The following PIBF1 variants were observed in gnomAD, a reference collection of about 807,000 sequenced individuals.
PIBF1 encodes progesterone immunomodulatory binding factor 1.
PIBF1 carries 90 observed loss-of-function variants against 112.5 expected under a neutral mutation model. The observed-to-expected ratio is 0.80, with a 90% CI of 0.67 to 0.95. The LOEUF is 0.95. PIBF1 is among the 40% of genes least tolerant of loss of function. The pLI, the probability that PIBF1 is intolerant of heterozygous loss-of-function variation, is 0.00. For synonymous variants in PIBF1, 301 were observed against 288.6 expected, an observed-to-expected ratio of 1.04 and a Z score of -0.44; for missense variants, 915 against 852.3, an observed-to-expected ratio of 1.07 and a Z score of -0.92.
chr13:72,857,752 A>G (rs556107944), intron 10 of PIBF1, among the ~76,000 whole-genome samples: 86 of 152,236 alleles, frequency 5.6e-4, no homozygotes, highest in African/African-American at 1.7e-3. Context: ...AGGCAGGAGA[A>G]TCGCTTGAAC....
Position 72,783,593 on chromosome 13 carries a change from G to A in PIBF1, c.124G>A (p.Gly42Ser). The A allele has an allele frequency of 2.5e-6, 4 of 1,614,010 alleles. No individual in the cohort carries two copies. The highest frequency in any genetic ancestry group is 3.4e-6 in the Non-Finnish European group (4 of 1,179,972). ...TATTTCCTCATCAGAAGAGCGAGAG[G>A]GCAAAGTCAGAATCACCAGGCAGCT... ...DDISSSEERE[G>S]KVRITRQLIE... Residue 42 changes from glycine (G) to serine (S), a missense_variant, in exon 2 of 18, where the codon GGC becomes AGC. Physicochemically the swap from Gly to Ser is moderately conservative, Grantham distance 56. Transcript: ENST00000326291.
intron 9 of PIBF1, among the ~76,000 whole-genome samples, chr13:72,840,710 G>A (rs1382849039): frequency 6.6e-6 from 1 of 151,896 alleles, no homozygotes; most frequent in Non-Finnish European, 1.5e-5. Context: ...TTTTAGTACG[G>A]ATGGGGTTTC....
Position 72,879,026 on chromosome 13 carries a change from G to T in PIBF1, c.1323-14758G>T, listed in dbSNP as rs76258243. 5.2e-3 allele frequency among the ~76,000 whole-genome samples: 798 copies of T among 152,190 alleles called. 14 individuals are homozygous for T. Among genetic ancestry groups the T allele is most frequent in the African/African-American group, 0.018 (748 of 41,550 alleles). On this transcript the variant is annotated intron_variant, in intron 10 of 17. Coordinates refer to ENST00000326291, the MANE Select transcript of PIBF1 (RefSeq NM_006346.4). ...ATTTAAAGTGCATTTCTTGTAGGCAGTATATAGTTGGGTGTGTTTTTAATC... is the reference window on the plus strand; with the variant it reads ...ATTTAAAGTGCATTTCTTGTAGGCATTATATAGTTGGGTGTGTTTTTAATC...
intron 14 of PIBF1, among the ~76,000 whole-genome samples, chr13:72,944,446 T>TTA (rs1555321047): frequency 1.8e-4 from 25 of 141,696 alleles, no homozygotes; most frequent in East Asian, 2.0e-4. Context: ...CAAGACTGTC[T>TTA]AAAAAAAAAA....
intron 12 of PIBF1, among the ~76,000 whole-genome samples, chr13:72,916,283 T>G (rs2041089384): frequency 6.6e-6 from 1 of 151,894 alleles, no homozygotes; most frequent in South Asian, 2.1e-4. Context: ...TCCCAGCTAC[T>G]GGGGAGGCTG....
chr13:72,914,886 T>G (rs188988112), intron 12 of PIBF1, among the ~76,000 whole-genome samples: 32 of 152,280 alleles, frequency 2.1e-4, no homozygotes, highest in African/African-American at 7.5e-4. Context: ...AGCTGAAAAT[T>G]TAACATTATT....
In PIBF1 at chr13:72,927,946, T is replaced by TATATATATATATATATATAC. The variant is rs1566457539; in HGVS notation, c.1731-3206_1731-3205insTATATACATATATATATATA. 2.0e-3 allele frequency among the ~76,000 whole-genome samples: 113 copies of TATATATATATATATATATAC among 56,666 alleles called. 1 individual carries two copies. Among genetic ancestry groups the TATATATATATATATATATAC allele is most frequent in the African/African-American group, 0.013 (108 of 8,618 alleles). The allele number at this position is 56,666 out of a possible 152,430, so 37.2% of individuals were successfully genotyped here. Reference sequence around the variant, plus strand: ...TAATACCATTTCTAATATATGTGTGTATATATATATATACACATATATATA... The same window carrying TATATATATATATATATATAC: ...TAATACCATTTCTAATATATGTGTGTATATATATATATATATATACATATATATATATACACATATATATA... On this transcript the variant is annotated intron_variant, in intron 13 of 17. Transcript: ENST00000326291.
At chr13:72,787,918 C>T (rs935305566) in intron 2 of PIBF1, among the ~76,000 whole-genome samples, 4 of 152,166 alleles carry the variant, frequency 2.6e-5, no homozygotes, top group Non-Finnish European at 2.9e-5. Flanking sequence ...TTTCAGCCTC[C>T]CAAAGTGCAG....
chr13:72,824,449 A>G (rs1199290117), intron 6 of PIBF1, among the ~76,000 whole-genome samples: 1 of 152,230 alleles, frequency 6.6e-6, no homozygotes, highest in Non-Finnish European at 1.5e-5. Context: ...TGAATAGAAT[A>G]AGAGTTTATA....
At chr13:72,851,744 A>T (rs144387548) in intron 9 of PIBF1, among the ~76,000 whole-genome samples, 1 of 152,258 alleles carries the variant, frequency 6.6e-6, no homozygotes, top group East Asian at 1.9e-4. Flanking sequence ...ACCCATTGCC[A>T]CCTATGGACC....
chr13:72,995,922 C>T (rs187069361), intron 16 of PIBF1, among the ~76,000 whole-genome samples: 16 of 149,188 alleles, frequency 1.1e-4, no homozygotes, highest in African/African-American at 3.9e-4. Context: ...GCACTCCAGC[C>T]TGGATGACAG....
At chr13:72,857,000 G>T (rs1800162245) in intron 10 of PIBF1, among the ~76,000 whole-genome samples, 1 of 152,106 alleles carries the variant, frequency 6.6e-6, no homozygotes, top group Non-Finnish European at 1.5e-5. Context: ...TGTACATAGA[G>T]AACTAATTTT....
chr13:72,919,818 A>G (rs966407292), intron 13 of PIBF1, among the ~76,000 whole-genome samples: 11 of 151,964 alleles, frequency 7.2e-5, no homozygotes, highest in Admixed American at 2.0e-4. Context: ...AAATACAAAA[A>G]CTTAGCTGGG....
chr13:72,836,428 G>A (rs2037363047), intron 9 of PIBF1, among the ~76,000 whole-genome samples: 1 of 152,068 alleles, frequency 6.6e-6, no homozygotes, highest in African/African-American at 2.4e-5. Flanking sequence ...TAGGAATATA[G>A]TAGCAGAAAA....
At chr13:72,805,385 G>A (rs935454448) in intron 5 of PIBF1, among the ~76,000 whole-genome samples, 5 of 152,032 alleles carry the variant, frequency 3.3e-5, no homozygotes, top group Non-Finnish European at 5.9e-5. Context: ...CTCGTCATCC[G>A]CCCGCCTTGA....
chr13:72,903,673 T>C (rs529823899), intron 11 of PIBF1, among the ~76,000 whole-genome samples: 1 of 152,300 alleles, frequency 6.6e-6, no homozygotes, highest in Admixed American at 6.5e-5. Context: ...CTCTAGACAA[T>C]TAACCAGAGC....
At chr13:72,927,620 C>A (rs1340460095) in intron 13 of PIBF1, among the ~76,000 whole-genome samples, 1 of 152,102 alleles carries the variant, frequency 6.6e-6, no homozygotes, top group Non-Finnish European at 1.5e-5. Context: ...CTCCTGGCCT[C>A]AAGTGATCTG....
At chr13:72,910,615 A>G (rs2040861793) in intron 12 of PIBF1, among the ~76,000 whole-genome samples, 1 of 152,216 alleles carries the variant, frequency 6.6e-6, no homozygotes, top group Admixed American at 6.5e-5. Flanking sequence ...TTTATATGAC[A>G]TATTAAGTGC....
intron 17 of PIBF1, among the ~76,000 whole-genome samples, chr13:73,013,731 CAA>C (rs113104076): frequency 1.7e-4 from 19 of 113,060 alleles, no homozygotes; most frequent in East Asian, 3.1e-4. Flanking sequence ...GAGCCTATCT[CAA>C]AAAAAAAAAA....
Sources: gnomAD v4.1 joint callset for allele counts (sites outside exome capture counted in the v4.1 genomes callset) on GRCh38, gnomAD v4.1.1 for gene constraint, MANE v1.5 for transcripts, NCBI Gene and HGNC (gene_info 2026-07-23, HGNC 2026-07-21) for gene names.